The following RHEB variants were observed in gnomAD, a reference collection of about 807,000 sequenced individuals.
The protein encoded by RHEB is Ras homolog, mTORC1 binding.
A neutral mutation model predicts 28.8 loss-of-function variants in RHEB; 2 were observed. That is an observed-to-expected ratio of 0.07 (90% confidence interval 0.03 to 0.22). RHEB has a LOEUF of 0.22. Ranked by LOEUF, RHEB falls within the 10% of genes least tolerant of loss-of-function variation. The probability of loss-of-function intolerance (pLI) is 1.00; values close to 1 mark genes in which losing one functional copy is unlikely to be tolerated. For missense variants in RHEB, 76 were observed against 219.9 expected, an observed-to-expected ratio of 0.35 and a Z score of 4.14; for synonymous variants, 69 against 77.3, an observed-to-expected ratio of 0.89 and a Z score of 0.56.
intron 3 of RHEB, among the ~76,000 whole-genome samples, chr7:151,478,621 C>T (rs1297999547): frequency 6.6e-6 from 1 of 151,872 alleles, no homozygotes; most frequent in East Asian, 1.9e-4. Context: ...AGGAAAGAGC[C>T]CCCAGCTGAT....
chr7:151,469,299 CATT>C (rs1203111004), intron 7 of RHEB, among the ~76,000 whole-genome samples: 1 of 152,144 alleles, frequency 6.6e-6, no homozygotes, highest in Non-Finnish European at 1.5e-5. Context: ...CTGTGCTAAA[CATT>C]ATGAAGGATA....
At chr7:151,471,717 A>G (rs781418074) in intron 4 of RHEB, 112 bp from the exon 5 acceptor site, 26 of 691,606 alleles carry the variant, frequency 3.8e-5, no homozygotes, top group Middle Eastern at 8.2e-4. Flanking sequence ...CCATTTTAAC[A>G]TAACATAAAA....
In RHEB at chr7:151,466,136, T is replaced by C. The variant is rs1382541849; in HGVS notation, c.*983A>G. The C allele has an allele frequency of 6.6e-6, 1 of 152,216 alleles. No individual in the cohort carries two copies. The highest frequency in any genetic ancestry group is 2.4e-5 in the African/African-American group (1 of 41,458). 9.4% of individuals were successfully genotyped at this position (152,216 alleles called of 1,614,324 possible). A position where few individuals can be genotyped will look rare whatever the true frequency, so the allele number is the denominator to read the frequency against. ...TAAAAAGCACTGCTCAACTCCAAGT[T>C]TGACTTACAGACAAGGTAACAGCCA... is the stretch of plus-strand genomic sequence containing the variant. On this transcript the variant is annotated 3_prime_UTR_variant, in exon 8 of 8. Coordinates refer to ENST00000262187, the MANE Select transcript of RHEB (RefSeq NM_005614.4).
chr7:151,495,509 A>G (rs537772131), intron 1 of RHEB, among the ~76,000 whole-genome samples: 2 of 152,300 alleles, frequency 1.3e-5, no homozygotes, highest in Admixed American at 1.3e-4. Context: ...TGAGTTTCTC[A>G]GCTGGTATTT....
In RHEB at chr7:151,502,162, G is replaced by A. The variant is rs546946756; in HGVS notation, c.53-11148C>T. Reference sequence around the variant, plus strand: ...GAGGCAGAAGAATCTTGTGAACCCGGGAGGCTTATGTGGCAGTGAGGCAAG... The same window carrying A: ...GAGGCAGAAGAATCTTGTGAACCCGAGAGGCTTATGTGGCAGTGAGGCAAG... On this transcript the variant is annotated intron_variant, in intron 1 of 7. Transcript: ENST00000262187. 2.5e-3 allele frequency: 1,089 copies of A among 434,354 alleles called. 7 individuals carry two copies. The highest frequency in any genetic ancestry group is 7.4e-3 in the Middle Eastern group (12 of 1,620). The allele number at this position is 434,354 out of a possible 1,614,324, so 26.9% of individuals were successfully genotyped here. A position where few individuals can be genotyped will look rare whatever the true frequency, so the allele number is the denominator to read the frequency against.
chr7:151,480,982 C>T (rs1328407008), intron 3 of RHEB, among the ~76,000 whole-genome samples: 2 of 152,132 alleles, frequency 1.3e-5, no homozygotes, highest in African/African-American at 4.8e-5. Context: ...AAGTTATTAA[C>T]CCATTTATGC....
At chr7:151,492,756 A>T (rs1802606531) in intron 1 of RHEB, among the ~76,000 whole-genome samples, 1 of 152,138 alleles carries the variant, frequency 6.6e-6, no homozygotes, top group Admixed American at 6.5e-5. Context: ...TATTCTCTAC[A>T]AAGCAACCTA....
At chr7:151,491,778 C>G (rs1802586941) in intron 1 of RHEB, among the ~76,000 whole-genome samples, 1 of 151,754 alleles carries the variant, frequency 6.6e-6, no homozygotes, top group Admixed American at 6.6e-5. Context: ...TAACATAAGT[C>G]TTTATCTTAA....
At chr7:151,478,243 A>G (rs1337670009) in intron 3 of RHEB, among the ~76,000 whole-genome samples, 1 of 152,166 alleles carries the variant, frequency 6.6e-6, no homozygotes, top group Non-Finnish European at 1.5e-5. Context: ...AACATAACAC[A>G]TGTCCTAAGC....
At chr7:151,484,972 T>TCCATTATTTAG (rs1299855238) in intron 2 of RHEB, among the ~76,000 whole-genome samples, 168 bp from the exon 3 acceptor site, 1 of 152,148 alleles carries the variant, frequency 6.6e-6, no homozygotes, top group African/African-American at 2.4e-5. Context: ...CTCCCCTACT[T>TCCATTATTTAG]CCATTATTTA....
chr7:151,496,650 C>T (rs1391575144), intron 1 of RHEB, among the ~76,000 whole-genome samples: 1 of 152,184 alleles, frequency 6.6e-6, no homozygotes, highest in Non-Finnish European at 1.5e-5. Flanking sequence ...AATCTCCAAT[C>T]TCCACCAGGT....
intron 2 of RHEB, among the ~76,000 whole-genome samples, chr7:151,487,367 A>G (rs1372809176): frequency 6.6e-6 from 1 of 152,164 alleles, no homozygotes; most frequent in Non-Finnish European, 1.5e-5. Context: ...CTGAGAATAC[A>G]CACTGGTGAG....
chr7:151,473,661 C>T (rs1802206700), intron 4 of RHEB, among the ~76,000 whole-genome samples: 1 of 152,178 alleles, frequency 6.6e-6, no homozygotes, highest in Admixed American at 6.5e-5. Flanking sequence ...TTCTCATACT[C>T]CCTCATGTCT....
At chr7:151,499,400 C>A (rs1802731364) in intron 1 of RHEB, among the ~76,000 whole-genome samples, 2 of 152,056 alleles carry the variant, frequency 1.3e-5, no homozygotes, top group African/African-American at 4.8e-5. Flanking sequence ...CAGGACAGGA[C>A]AGGAAAGGAA....
chr7:151,508,980 T>C (rs1213140484), intron 1 of RHEB, among the ~76,000 whole-genome samples: 1 of 152,198 alleles, frequency 6.6e-6, no homozygotes, highest in Non-Finnish European at 1.5e-5. Flanking sequence ...GAAACATGGT[T>C]AGATTAAGAA....
At chr7:151,470,210 A>T (rs1227074712) in intron 7 of RHEB, 1 of 155,258 alleles carries the variant, frequency 6.4e-6, no homozygotes, top group Admixed American at 6.5e-5. Context: ...GGGGGTGGGT[A>T]GTTACAAAAT....
chr7:151,484,595 A>G (rs1802434563), intron 3 of RHEB, 142 bp downstream of exon 3: 2 of 621,270 alleles, frequency 3.2e-6, no homozygotes, highest in South Asian at 2.0e-5. Flanking sequence ...AGCCACTGCA[A>G]GCCAAACCAT....
intron 1 of RHEB, chr7:151,502,094 G>C (rs575489315): frequency 2.4e-6 from 1 of 413,518 alleles, no homozygotes; most frequent in African/African-American, 2.1e-5. Flanking sequence ...AAATTAGCTG[G>C]GTGTGGTGGC....
At chr7:151,504,171 T>C (rs1047825296) in intron 1 of RHEB, among the ~76,000 whole-genome samples, 3 of 152,242 alleles carry the variant, frequency 2.0e-5, no homozygotes, top group African/African-American at 7.2e-5. Context: ...GACACATTTG[T>C]GCCCAGCGTT....
Sources: allele counts gnomAD v4.1 joint callset (sites outside exome capture counted in the v4.1 genomes callset), GRCh38; gene constraint gnomAD v4.1.1; transcripts MANE v1.5; gene names NCBI Gene and HGNC (gene_info 2026-07-23, HGNC 2026-07-21).